The following ERC2 variants were observed in gnomAD, a reference collection of about 807,000 sequenced individuals.
ERC2 encodes ERC protein 2.
ERC2 carries 42 observed loss-of-function variants against 114.8 expected under a neutral mutation model. That is an observed-to-expected ratio of 0.37 (90% CI 0.29 to 0.47). The LOEUF is 0.47. ERC2 is among the 20% of genes least tolerant of loss of function. The probability of loss-of-function intolerance (pLI) is 0.99; values close to 1 mark genes in which losing one functional copy is unlikely to be tolerated. For missense variants in ERC2, 939 were observed against 1,150.7 expected, an observed-to-expected ratio of 0.82 and a Z score of 2.66; for synonymous variants, 454 against 425.5, an observed-to-expected ratio of 1.07 and a Z score of -0.82.
chr3:56,099,167 G>A (rs1020544028), intron 6 of ERC2, among the ~76,000 whole-genome samples: 1 of 152,216 alleles, frequency 6.6e-6, no homozygotes, highest in Admixed American at 6.5e-5. Flanking sequence ...TGCAGCCCAA[G>A]TGAAGGAGCC....
intron 13 of ERC2, among the ~76,000 whole-genome samples, chr3:55,900,819 C>T (rs560753728): frequency 6.6e-6 from 1 of 152,266 alleles, no homozygotes; most frequent in Admixed American, 6.5e-5. Context: ...AGAAAAGGAG[C>T]CATACTGTAG....
At chr3:55,583,407 C>CTTCCTTCCTTCT (rs1559692350) in intron 17 of ERC2, among the ~76,000 whole-genome samples, 9 of 106,096 alleles carry the variant, frequency 8.5e-5, no homozygotes, top group African/African-American at 2.6e-4. Flanking sequence ...TCTTTCCTTC[C>CTTCCTTCCTTCT]TTCCTTCCTT....
intron 14 of ERC2, among the ~76,000 whole-genome samples, chr3:55,767,431 G>T (rs1393788936): frequency 6.6e-6 from 1 of 152,150 alleles, no homozygotes; most frequent in African/African-American, 2.4e-5. Context: ...TGGGCCCTTT[G>T]CTTTCAGGCC....
At chr3:56,462,322 A>G (rs1434517292) in intron 1 of ERC2, among the ~76,000 whole-genome samples, 2 of 152,190 alleles carry the variant, frequency 1.3e-5, no homozygotes, top group African/African-American at 2.4e-5. Context: ...AACAGCAACT[A>G]TGATTTGGGT....
At chr3:56,275,849 T>C (rs1216657272) in intron 3 of ERC2, among the ~76,000 whole-genome samples, 1 of 152,150 alleles carries the variant, frequency 6.6e-6, no homozygotes, top group Non-Finnish European at 1.5e-5. Flanking sequence ...GGAGTAATGC[T>C]ACTAACATCT....
chr3:55,749,327 C>A (rs937312), intron 14 of ERC2, among the ~76,000 whole-genome samples: 2 of 152,040 alleles, frequency 1.3e-5, no homozygotes, highest in Non-Finnish European at 1.5e-5. Context: ...CCCAGCTCCA[C>A]TGACCAACAA....
intron 12 of ERC2, among the ~76,000 whole-genome samples, chr3:55,972,759 C>A (rs904952960): frequency 6.6e-6 from 1 of 152,134 alleles, no homozygotes; most frequent in South Asian, 2.1e-4. Flanking sequence ...GTCTTTATAG[C>A]AGACCAGGTG....
intron 14 of ERC2, among the ~76,000 whole-genome samples, chr3:55,865,868 T>C (rs539390830): frequency 1.1e-3 from 171 of 152,336 alleles, no homozygotes; most frequent in Non-Finnish European, 1.7e-3. Context: ...TTCATCCATT[T>C]GACTTGTTTT....
At chr3:56,243,490 AC>A (rs1334791583) in intron 3 of ERC2, among the ~76,000 whole-genome samples, 3 of 152,198 alleles carry the variant, frequency 2.0e-5, no homozygotes, top group African/African-American at 7.2e-5. Flanking sequence ...ACGGCTCCTT[AC>A]CTGAAGCCAT....
At chr3:56,292,321 C>T (rs2055140026) in intron 3 of ERC2, among the ~76,000 whole-genome samples, 1 of 151,514 alleles carries the variant, frequency 6.6e-6, no homozygotes, top group Admixed American at 6.6e-5. Context: ...CGGTGGCTCA[C>T]ACCTGTAATC....
chr3:56,202,501 C>CTTTTTTT (rs11457828), intron 3 of ERC2, among the ~76,000 whole-genome samples: 3 of 141,106 alleles, frequency 2.1e-5, no homozygotes, highest in Non-Finnish European at 3.1e-5. Flanking sequence ...TAAACTCAAG[C>CTTTTTTT]TTTTTTTTTT....
chr3:56,399,769 A>G (rs1462671898), intron 2 of ERC2, among the ~76,000 whole-genome samples: 1 of 152,104 alleles, frequency 6.6e-6, no homozygotes, highest in African/African-American at 2.4e-5. Context: ...CTCCCATGAA[A>G]AAAAAAGGAA....
At chr3:55,796,939 C>G (rs949716379) in intron 14 of ERC2, among the ~76,000 whole-genome samples, 5 of 152,068 alleles carry the variant, frequency 3.3e-5, no homozygotes, top group African/African-American at 1.2e-4. Context: ...CATTTTTTTT[C>G]CCACATATGT....
At chr3:56,243,037 C>A (rs1006806971) in intron 3 of ERC2, among the ~76,000 whole-genome samples, 7 of 152,074 alleles carry the variant, frequency 4.6e-5, no homozygotes, top group African/African-American at 7.2e-5. Flanking sequence ...ATATTTAGTA[C>A]CTAAATTAAT....
In ERC2 at chr3:55,538,639, A is replaced by G. The variant is rs1007501223; in HGVS notation, c.*40-27363T>C. ...AAGGGCATTTTTGGATTCACAAAAC[A>G]AAACCCTGTTTTTCTTTCTGTCTCC... On this transcript the variant is annotated intron_variant, in intron 17 of 17. Coordinates refer to ENST00000288221, the MANE Select transcript of ERC2 (RefSeq NM_015576.3). Among the ~76,000 whole-genome samples, 5 of 152,260 alleles carry G rather than the reference A, an allele frequency of 3.3e-5. No homozygotes were observed. The East Asian group carries it at 9.6e-4, about 29-fold the overall frequency.
intron 4 of ERC2, 93 bp from the exon 5 acceptor site, chr3:56,149,225 T>A: frequency 8.2e-7 from 1 of 1,223,606 alleles, no homozygotes; most frequent in Non-Finnish European, 1.1e-6. Flanking sequence ...ATTTTGGTAG[T>A]GCTGTCACAT....
chr3:55,870,770 CCATGACGA>C (rs2062546656), intron 14 of ERC2, among the ~76,000 whole-genome samples: 1 of 152,188 alleles, frequency 6.6e-6, no homozygotes, highest in African/African-American at 2.4e-5. Context: ...AACACTGTTT[CCATGACGA>C]CATTTAATTG....
At chr3:55,540,870 T>C (rs1472062410) in intron 17 of ERC2, among the ~76,000 whole-genome samples, 1 of 152,216 alleles carries the variant, frequency 6.6e-6, no homozygotes, top group Non-Finnish European at 1.5e-5. Flanking sequence ...CCTAGGGCAG[T>C]CCTGGAAGGG....
At chr3:55,894,801 G>T (rs772003920) in intron 13 of ERC2, among the ~76,000 whole-genome samples, 4 of 152,096 alleles carry the variant, frequency 2.6e-5, no homozygotes, top group Non-Finnish European at 5.9e-5. Flanking sequence ...TAGCTCAAAG[G>T]GTTTTTATGA....
Sources: gnomAD v4.1 joint callset for allele counts (sites outside exome capture counted in the v4.1 genomes callset) on GRCh38, gnomAD v4.1.1 for gene constraint, MANE v1.5 for transcripts, NCBI Gene and HGNC (gene_info 2026-07-23, HGNC 2026-07-21) for gene names.